Variants in SVOPL observed in about 807,000 individuals in gnomAD.
The protein encoded by SVOPL is putative transporter SVOPL.
A neutral mutation model predicts 61.0 loss-of-function variants in SVOPL; 60 were observed. The ratio of observed to expected loss-of-function variants is 0.98; its 90% CI spans 0.80 to 1.22. The LOEUF is 1.22. SVOPL is among the 50% of genes most tolerant of loss of function. The pLI is 0.00. For missense variants in SVOPL, 662 were observed against 643.9 expected, an observed-to-expected ratio of 1.03 and a Z score of -0.30; for synonymous variants, 279 against 250.0, an observed-to-expected ratio of 1.12 and a Z score of -1.09.
intron 1 of SVOPL, among the ~76,000 whole-genome samples, chr7:138,698,221 C>T (rs760841910): frequency 6.6e-6 from 1 of 152,044 alleles, no homozygotes; most frequent in Non-Finnish European, 1.5e-5. Flanking sequence ...ATTAAACTTA[C>T]TCCATTTCTT....
intron 1 of SVOPL, among the ~76,000 whole-genome samples, chr7:138,681,030 A>C (rs905232604): frequency 2.6e-5 from 4 of 151,860 alleles, no homozygotes; most frequent in African/African-American, 4.8e-5. Flanking sequence ...AGGATAAGGA[A>C]AGTAATTTTG....
In SVOPL at chr7:138,612,425, AAAATAAAAAAT is replaced by A. The variant is rs1563088344; in HGVS notation, c.1353+8610_1353+8620del. Among the ~76,000 whole-genome samples the A allele has an allele frequency of 1.3e-3, 23 of 17,866 alleles. 4 individuals carry two copies. Among genetic ancestry groups the A allele is most frequent in the African/African-American group, 2.2e-3 (19 of 8,570 alleles). The allele number at this position is 17,866 out of a possible 152,430, so 11.7% of individuals were successfully genotyped here. ...TAAATTAAAAAAAAAAAAAAAAAAT[AAAATAAAAAAT>A]AAAAAAAAAATAAAAAAAAAAAAAA... On this transcript the variant is annotated intron_variant, in intron 14 of 15. Transcript: ENST00000674285.
At chr7:138,690,729 T>A (rs1802920878) in intron 1 of SVOPL, among the ~76,000 whole-genome samples, 1 of 152,062 alleles carries the variant, frequency 6.6e-6, no homozygotes, top group Admixed American at 6.6e-5. Context: ...CACAACCTTG[T>A]GAACATACTC....
intron 10 of SVOPL, among the ~76,000 whole-genome samples, chr7:138,628,583 A>G (rs536337678): frequency 6.6e-6 from 1 of 152,338 alleles, no homozygotes; most frequent in African/African-American, 2.4e-5. Context: ...TTGCCGGGCC[A>G]TAGTATACAC....
chr7:138,618,202 C>T (rs543632232), intron 14 of SVOPL, among the ~76,000 whole-genome samples: 1 of 152,150 alleles, frequency 6.6e-6, no homozygotes, highest in African/African-American at 2.4e-5. Context: ...ATTGGAATAG[C>T]GTTTCACCTT....
At chr7:138,665,568 A>C (rs554327721) in intron 4 of SVOPL, among the ~76,000 whole-genome samples, 1 of 152,314 alleles carries the variant, frequency 6.6e-6, no homozygotes, top group South Asian at 2.1e-4. Context: ...GAAACAGCAC[A>C]AATGCAGCCA....
chr7:138,689,693 C>T (rs1189563086), intron 1 of SVOPL, among the ~76,000 whole-genome samples: 1 of 151,648 alleles, frequency 6.6e-6, no homozygotes, highest in Non-Finnish European at 1.5e-5. Context: ...CCCGTCTCTA[C>T]TAAAAATACA....
chr7:138,638,259 T>A (rs1414684824), intron 9 of SVOPL, among the ~76,000 whole-genome samples: 12 of 118,662 alleles, frequency 1.0e-4, no homozygotes, highest in African/African-American at 3.5e-4. Context: ...GGCAGCAGAT[T>A]GAGACTCCAC....
intron 1 of SVOPL, among the ~76,000 whole-genome samples, chr7:138,682,102 T>C (rs540878464): frequency 6.6e-6 from 1 of 152,302 alleles, no homozygotes; most frequent in Non-Finnish European, 1.5e-5. Flanking sequence ...GAGGGAAAAT[T>C]ATTTGTGAAT....
intron 9 of SVOPL, among the ~76,000 whole-genome samples, chr7:138,637,463 T>TAGATATAG (rs1435621140): frequency 3.7e-4 from 7 of 19,116 alleles, no homozygotes; most frequent in African/African-American, 9.7e-4. Context: ...TAGATATATA[T>TAGATATAG]ATATAGATAT....
intron 13 of SVOPL, among the ~76,000 whole-genome samples, chr7:138,623,548 C>A (rs965826147): frequency 4.6e-5 from 7 of 151,762 alleles, no homozygotes; most frequent in South Asian, 2.1e-4. Context: ...TGCAGTGAGC[C>A]GAGATCGCGC....
chr7:138,664,699 G>A (rs1802177464), intron 4 of SVOPL, among the ~76,000 whole-genome samples: 2 of 150,390 alleles, frequency 1.3e-5, no homozygotes, highest in Admixed American at 1.3e-4. Context: ...TCCATCGGGC[G>A]CACCCCTGAT....
intron 9 of SVOPL, among the ~76,000 whole-genome samples, chr7:138,633,622 T>C (rs1238973001): frequency 6.6e-6 from 1 of 152,136 alleles, no homozygotes; most frequent in East Asian, 1.9e-4. Flanking sequence ...TATTCCTTTA[T>C]AGCAATGCAA....
At chr7:138,638,088 A>C (rs1391155426) in intron 9 of SVOPL, among the ~76,000 whole-genome samples, 1 of 152,140 alleles carries the variant, frequency 6.6e-6, no homozygotes, top group Non-Finnish European at 1.5e-5. Flanking sequence ...AGCCTGGCTA[A>C]CATGGTGAAA....
rs1802102544 is a variant in SVOPL, at chr7:138,663,544, T to C, written c.274-399A>G. 4.0e-6 allele frequency: 4 copies of C among 997,968 alleles called. No individual in the cohort carries two copies. In the African/African-American group the frequency reaches 6.9e-5, roughly 17 times the overall value. 61.8% of individuals were successfully genotyped at this position (997,968 alleles called of 1,614,324 possible). ...CAGTCTCCCTTTATGTTATTACAAA[T>C]AGACATAACTTTAAACACCAAATCC... On this transcript the variant is annotated intron_variant, in intron 4 of 15. Transcript: ENST00000674285.
At chr7:138,653,018 G>A (rs763898990) in intron 7 of SVOPL, among the ~76,000 whole-genome samples, 1 of 152,192 alleles carries the variant, frequency 6.6e-6, no homozygotes, top group Non-Finnish European at 1.5e-5. Context: ...GAGAAAGTCT[G>A]AGTGGTCTGG....
intron 5 of SVOPL, chr7:138,662,130 T>C: frequency 2.0e-6 from 2 of 985,494 alleles, no homozygotes; most frequent in Middle Eastern, 5.2e-4. Context: ...GGCTTCCATT[T>C]CTGTCCCTGG....
At chr7:138,677,557 G>A (rs1259171091) in intron 3 of SVOPL, among the ~76,000 whole-genome samples, 1 of 152,106 alleles carries the variant, frequency 6.6e-6, no homozygotes, top group Non-Finnish European at 1.5e-5. Flanking sequence ...CTTTGTGGGA[G>A]AAAATTTCCA....
chr7:138,672,912 AAAAAAAAAAAAG>A (rs1439907341), intron 3 of SVOPL, among the ~76,000 whole-genome samples: 4 of 151,556 alleles, frequency 2.6e-5, no homozygotes, highest in African/African-American at 9.7e-5. Flanking sequence ...CTCAAAAAAA[AAAAAAAAAAAAG>A]AAGGAGATGC....
Sources: allele counts gnomAD v4.1 joint callset (sites outside exome capture counted in the v4.1 genomes callset), GRCh38; gene constraint gnomAD v4.1.1; transcripts MANE v1.5; gene names NCBI Gene and HGNC (gene_info 2026-07-23, HGNC 2026-07-21).